SMCHD1: variants seen among roughly 807,000 people sequenced by gnomAD.
SMCHD1 encodes structural maintenance of chromosomes flexible hinge domain-containing protein 1.
SMCHD1 carries 78 observed loss-of-function variants against 254.7 expected under a neutral mutation model. That is an observed-to-expected ratio of 0.31 (90% CI 0.26 to 0.37). The LOEUF (loss-of-function observed/expected upper bound fraction) is 0.37. Among genes scored for constraint, SMCHD1 ranks in the 10% least tolerant of loss-of-function variants. The probability of loss-of-function intolerance (pLI) is 1.00; values close to 1 mark genes in which losing one functional copy is unlikely to be tolerated. For synonymous variants in SMCHD1, 766 were observed against 794.9 expected (o/e 0.96, Z 0.61); for missense variants, 1,840 against 2,408.1 (o/e 0.76, Z 4.94).
chr18:2,784,920 T>C (rs1241417078), intron 45 of SMCHD1: 2 of 446,090 alleles, frequency 4.5e-6, no homozygotes, highest in East Asian at 1.3e-4. Context: ...GAGGTCAGCC[T>C]GGGCAACGTA....
chr18:2,731,163 G>A (rs1598379131), intron 24 of SMCHD1, among the ~76,000 whole-genome samples: 1 of 152,192 alleles, frequency 6.6e-6, no homozygotes, highest in Non-Finnish European at 1.5e-5. Context: ...CATTCCATGA[G>A]GTAGGAATTT....
intron 33 of SMCHD1, among the ~76,000 whole-genome samples, chr18:2,751,991 C>T (rs998082160): frequency 9.2e-5 from 14 of 152,208 alleles, no homozygotes; most frequent in African/African-American, 3.1e-4. Context: ...CACTGTATAT[C>T]AGTTCAGACC....
chr18:2,738,806 CAA>C (rs2075297874), intron 26 of SMCHD1, among the ~76,000 whole-genome samples: 1 of 152,078 alleles, frequency 6.6e-6, no homozygotes, highest in African/African-American at 2.4e-5. Flanking sequence ...TGCAAAATGA[CAA>C]AGACGTGAAA....
Position 2,691,274 on chromosome 18 carries a change from T to C in SMCHD1, c.873+2527T>C, listed in dbSNP as rs147050235. Among the ~76,000 whole-genome samples the C allele has an allele frequency of 1.2e-3, 189 of 152,348 alleles. No homozygotes were observed. In the Middle Eastern group the frequency reaches 0.02, roughly 16 times the overall value. On this transcript the variant is annotated intron_variant, in intron 7 of 47. Transcript: ENST00000320876. ...AACTGTGTGCATATTACAAAGCTTG[T>C]ATACAACTGTGTCTCTTGGAGCACC... is the stretch of plus-strand genomic sequence containing the variant.
intron 12 of SMCHD1, chr18:2,701,222 T>C: frequency 5.6e-6 from 1 of 179,734 alleles, no homozygotes; most frequent in South Asian, 1.4e-4. Flanking sequence ...TTGCAGTGGC[T>C]CAATCTCAGC....
chr18:2,684,171 C>G (rs1333492573), intron 5 of SMCHD1, among the ~76,000 whole-genome samples: 2 of 151,960 alleles, frequency 1.3e-5, no homozygotes, highest in Admixed American at 6.6e-5. Flanking sequence ...CATACAAAAT[C>G]TGAAGAAAAT....
intron 40 of SMCHD1, 146 bp downstream of exon 40, chr18:2,771,764 C>A: frequency 1.7e-6 from 1 of 599,642 alleles, no homozygotes; most frequent in Non-Finnish European, 2.7e-6. Context: ...TTAAAAATGA[C>A]TAACAAAATG....
rs1030246354 is a variant in SMCHD1 at position 2,719,098 on chromosome 18, T to G, written c.2458+664T>G. Among the ~76,000 whole-genome samples the G allele has an allele frequency of 3.8e-4, 57 of 151,486 alleles. 1 individual carries two copies. The Middle Eastern group carries it at 0.014, about 36-fold the overall frequency. On this transcript the variant is annotated intron_variant, in intron 19 of 47. Coordinates refer to ENST00000320876, the MANE Select transcript of SMCHD1 (RefSeq NM_015295.3). ...TTAGCATAGGCCTGTTTTTATCTAG[T>G]ATCATCCAGCCATGTACCTCGTATA...
In SMCHD1 at chr18:2,752,684, TTC is replaced by T; in HGVS notation, c.4346+135_4346+136del. 4.8e-6 allele frequency: 3 copies of T among 623,690 alleles called. No individual in the cohort carries two copies. The South Asian group carries it at 6.5e-5, about 13-fold the overall frequency. The allele number at this position is 623,690 out of a possible 1,614,324, so 38.6% of individuals were successfully genotyped here. A position where few individuals can be genotyped will look rare whatever the true frequency, so the allele number is the denominator to read the frequency against. ...TAGAAATGTTAGTGTCTCTAAATTT[TTC>T]TCAGTTTTTTGGGAAAAGGTGTGTT... On this transcript the variant is annotated intron_variant, in intron 34 of 47. Transcript: ENST00000320876.
At chr18:2,750,944 G>A (rs1026447089) in intron 32 of SMCHD1, among the ~76,000 whole-genome samples, 1 of 151,896 alleles carries the variant, frequency 6.6e-6, no homozygotes, top group African/African-American at 2.4e-5. Context: ...TGTTACAGGT[G>A]GTAAATATAA....
rs1443419101 is a variant in SMCHD1, at chr18:2,675,359, G to A, written c.638+1214G>A. 2.7e-5 allele frequency among the ~76,000 whole-genome samples: 4 copies of A among 148,920 alleles called. No homozygotes were observed. The East Asian group carries it at 8.0e-4, about 30-fold the overall frequency. On this transcript the variant is annotated intron_variant, in intron 5 of 47. Transcript: ENST00000320876. ...GGCTCACTGCAACCTCTGCCTCCCAGGTTCAAACGATTCTTCTGCCTCAGC... is the reference window on the plus strand; with the variant it reads ...GGCTCACTGCAACCTCTGCCTCCCAAGTTCAAACGATTCTTCTGCCTCAGC...
intron 5 of SMCHD1, among the ~76,000 whole-genome samples, chr18:2,685,560 T>C (rs987199473): frequency 2.0e-5 from 3 of 152,290 alleles, no homozygotes; most frequent in Admixed American, 6.5e-5. Flanking sequence ...CTAAAGTTTT[T>C]TTACCCTGTA....
chr18:2,706,511 T>A, intron 15 of SMCHD1, 41 bp downstream of exon 15: 1 of 1,344,208 alleles, frequency 7.4e-7, no homozygotes, highest in Non-Finnish European at 1.0e-6. Flanking sequence ...ATAAGAAAAA[T>A]TGGAAAGAAT....
chr18:2,730,495 C>A (rs1395475047), intron 24 of SMCHD1, among the ~76,000 whole-genome samples: 1 of 152,130 alleles, frequency 6.6e-6, no homozygotes, highest in Non-Finnish European at 1.5e-5. Context: ...ATATCATGTG[C>A]CAGTAGGATG....
Position 2,666,876 on chromosome 18 carries a change from C to G in SMCHD1, c.269C>G (p.Thr90Ser), listed in dbSNP as rs1440181785. 1.2e-6 allele frequency: 2 copies of G among 1,609,520 alleles called. No individual in the cohort carries two copies. Among genetic ancestry groups the G allele is most frequent in the South Asian group, 2.2e-5 (2 of 90,636 alleles). ...TTTTCACTCTTGATTACAGATGAAACTGTTAAAGATGGAGTCACCTTATAC... is the reference window on the plus strand; with the variant it reads ...TTTTCACTCTTGATTACAGATGAAAGTGTTAAAGATGGAGTCACCTTATAC... ...KEITCDNFDE[T>S]VKDGVTLYLL... Residue 90 changes from threonine (T) to serine (S), a missense_variant, in exon 3 of 48, where the codon ACT (threonine) becomes AGT (serine). Coordinates refer to ENST00000320876, the MANE Select transcript of SMCHD1 (RefSeq NM_015295.3).
At chr18:2,774,588 T>C (rs1026905339) in intron 41 of SMCHD1, among the ~76,000 whole-genome samples, 3 of 152,068 alleles carry the variant, frequency 2.0e-5, no homozygotes, top group Admixed American at 2.0e-4. Context: ...TTTTTTGTAT[T>C]TTTAGTGGAG....
At chr18:2,765,122 GAATTTT>G (rs1322574606) in intron 37 of SMCHD1, among the ~76,000 whole-genome samples, 1 of 151,926 alleles carries the variant, frequency 6.6e-6, no homozygotes, top group African/African-American at 2.4e-5. Context: ...ATTTCTTTTA[GAATTTT>G]CATTTTTTTC....
intron 19 of SMCHD1, among the ~76,000 whole-genome samples, chr18:2,721,093 A>G (rs2074916719): frequency 6.6e-6 from 1 of 152,156 alleles, no homozygotes; most frequent in Non-Finnish European, 1.5e-5. Context: ...TTCTTGTTTT[A>G]TTTCAATTTC....
Sources: gnomAD v4.1 joint callset for allele counts (sites outside exome capture counted in the v4.1 genomes callset) on GRCh38, gnomAD v4.1.1 for gene constraint, MANE v1.5 for transcripts, NCBI Gene and HGNC (gene_info 2026-07-23, HGNC 2026-07-21) for gene names.